The following BRIP1 variants were observed in gnomAD, a reference collection of about 807,000 sequenced individuals.
BRIP1 encodes Fanconi anemia group J protein.
A neutral mutation model predicts 119.7 loss-of-function variants in BRIP1; 88 were observed. The ratio of observed to expected loss-of-function variants is 0.74; its 90% confidence interval spans 0.62 to 0.88. BRIP1 has a LOEUF of 0.88. BRIP1 is among the 40% of genes least tolerant of loss of function. The pLI is 0.00. For missense variants in BRIP1, 1,259 were observed against 1,455.4 expected, an observed-to-expected ratio of 0.87 and a Z score of 2.20; for synonymous variants, 443 against 496.5, an observed-to-expected ratio of 0.89 and a Z score of 1.43.
chr17:61,765,105 T>C (rs1008884259), intron 14 of BRIP1, among the ~76,000 whole-genome samples: 1 of 151,718 alleles, frequency 6.6e-6, no homozygotes, highest in African/African-American at 2.4e-5. Flanking sequence ...GGCAACTTGA[T>C]ACTTGGACTT....
intron 3 of BRIP1, among the ~76,000 whole-genome samples, chr17:61,859,043 G>A (rs1398510224): frequency 7.2e-5 from 9 of 124,324 alleles, no homozygotes; most frequent in African/African-American, 2.8e-4. Flanking sequence ...CCCAGGTGAC[G>A]CCACTCAAAA....
In BRIP1 at chr17:61,745,848, TAAAAG is replaced by T. The variant is rs2077051705; in HGVS notation, c.2098-1262_2098-1258del. Among the ~76,000 whole-genome samples, 1 of 151,960 alleles carries T rather than the reference TAAAAG, an allele frequency of 6.6e-6. No homozygotes were observed. Among genetic ancestry groups the T allele is most frequent in the African/African-American group, 2.4e-5 (1 of 41,368 alleles). ...TATATTTATTTTTAAAATGTCAAAA[TAAAAG>T]AATCAAGTATTCTTTCCAAGAAGCT... On this transcript the variant is annotated intron_variant, in intron 14 of 19. Coordinates refer to ENST00000259008, the MANE Select transcript of BRIP1 (RefSeq NM_032043.3). The surrounding 1 kb of genome is among the most constrained non-coding windows in gnomAD (Gnocchi z 4.4).
chr17:61,761,854 A>G lies in BRIP1; in HGVS notation c.2097+14547T>C, dbSNP rs746218554. 6.6e-6 allele frequency among the ~76,000 whole-genome samples: 1 copy of G among 152,148 alleles called. No homozygotes were observed. Among genetic ancestry groups the G allele is most frequent in the Non-Finnish European group, 1.5e-5 (1 of 68,024 alleles). ...TTACCCAAAGTGACATATTGATTCA[A>G]TGTAATCTCTATCAAAATTCCAATG... On this transcript the variant is annotated intron_variant, in intron 14 of 19. Coordinates refer to ENST00000259008, the MANE Select transcript of BRIP1 (RefSeq NM_032043.3). The surrounding 1 kb of genome is among the most constrained non-coding windows in gnomAD (Gnocchi z 6.4).
At position 61,754,703 on chromosome 17, in the gene BRIP1, C is replaced by T. The variant is rs1016723335; in HGVS notation, c.2098-10112G>A. ...GCTATGAAGTCCAAGATAAAGGTGC[C>T]TGTTAACTTGATTTCTGGTTAGGGC... On this transcript the variant is annotated intron_variant, in intron 14 of 19. Transcript: ENST00000259008. This position sits in a 1 kb window ranked among gnomAD's most constrained non-coding sequence, Gnocchi z 4.1. 5.9e-5 allele frequency among the ~76,000 whole-genome samples: 9 copies of T among 152,148 alleles called. No homozygotes were observed. Among genetic ancestry groups the T allele is most frequent in the Non-Finnish European group, 1.0e-4 (7 of 68,030 alleles).
chr17:61,718,777 T>C (rs2061923594), intron 16 of BRIP1, among the ~76,000 whole-genome samples: 1 of 152,188 alleles, frequency 6.6e-6, no homozygotes, highest in African/African-American at 2.4e-5. Flanking sequence ...AGTTGTCCCT[T>C]GGTATCCATG....
intron 16 of BRIP1, among the ~76,000 whole-genome samples, chr17:61,732,816 C>A (rs578211392): frequency 3.9e-4 from 60 of 152,014 alleles, no homozygotes; most frequent in Non-Finnish European, 8.2e-4. Context: ...CTCAGACTCC[C>A]AAGTAGCTGG....
At chr17:61,811,857 C>T (rs1161888074) in intron 6 of BRIP1, among the ~76,000 whole-genome samples, 3 of 151,956 alleles carry the variant, frequency 2.0e-5, no homozygotes. Context: ...GAGGCTGAGG[C>T]AGGTGAATCA....
chr17:61,688,591 G>C (rs2061395686), intron 18 of BRIP1, among the ~76,000 whole-genome samples: 1 of 152,130 alleles, frequency 6.6e-6, no homozygotes, highest in South Asian at 2.1e-4. Flanking sequence ...TACCAGGGCT[G>C]ATGAGTGAAG....
rs185700311 is a variant in BRIP1 at position 61,720,952 on chromosome 17, T to C, written c.2380-4889A>G. Among the ~76,000 whole-genome samples the C allele has an allele frequency of 6.6e-6, 1 of 152,108 alleles. No homozygotes were observed. Among genetic ancestry groups the C allele is most frequent in the Admixed American group, 6.5e-5 (1 of 15,290 alleles). On this transcript the variant is annotated intron_variant, in intron 16 of 19. Coordinates refer to ENST00000259008, the MANE Select transcript of BRIP1 (RefSeq NM_032043.3). The surrounding 1 kb of genome is among the most constrained non-coding windows in gnomAD (Gnocchi z 4.3). ...TCCGCCTCCCAGGTTCAAGCAGTTC[T>C]CCTCTCAGCCTCCCAAGTAGCTGGG...
At chr17:61,696,234 G>A (rs1188933421) in intron 17 of BRIP1, among the ~76,000 whole-genome samples, 1 of 148,522 alleles carries the variant, frequency 6.7e-6, no homozygotes, top group Non-Finnish European at 1.5e-5. Context: ...AAGATCGTGT[G>A]GTTTTAGTCT....
chr17:61,839,673 C>T lies in BRIP1; in HGVS notation c.627+7428G>A, dbSNP rs146600597. The stretch of plus-strand genomic sequence containing the variant: ...ATTTAATTGAGAGATTTAACTTGTT[C>T]AAGAAGTTTTCAGACTTATGAGAAA... On this transcript the variant is annotated intron_variant, in intron 6 of 19. Transcript: ENST00000259008. Among the ~76,000 whole-genome samples, 1,168 of 152,142 alleles carry T rather than the reference C, an allele frequency of 7.7e-3. 10 individuals carry two copies. The highest frequency in any genetic ancestry group is 0.025 in the African/African-American group (1,058 of 41,512).
At position 61,724,321 on chromosome 17, in the gene BRIP1, A is replaced by C. The variant is rs1397320526; in HGVS notation, c.2380-8258T>G. On this transcript the variant is annotated intron_variant, in intron 16 of 19. Coordinates refer to ENST00000259008, the MANE Select transcript of BRIP1 (RefSeq NM_032043.3). The surrounding 1 kb of genome is among the most constrained non-coding windows in gnomAD (Gnocchi z 5.1). ...CTTGAGATTGAACAGAAAGTTTCTT[A>C]AGTTCTCCATGCCTTGGTTTTATTG... Among the ~76,000 whole-genome samples, 1 of 152,106 alleles carries C rather than the reference A, an allele frequency of 6.6e-6. No individual in the cohort carries two copies. The highest frequency in any genetic ancestry group is 2.4e-5 in the African/African-American group (1 of 41,434).
rs539155849 is a variant in BRIP1 at position 61,680,854 on chromosome 17, A to G, written c.*2442T>C. Reference sequence around the variant, plus strand: ...AAATAAATATCTAGCTTTCCAAGTTATTATGCACATATACCATCTGTGTCA... The same window carrying G: ...AAATAAATATCTAGCTTTCCAAGTTGTTATGCACATATACCATCTGTGTCA... On this transcript the variant is annotated 3_prime_UTR_variant, in exon 20 of 20. Transcript: ENST00000259008. Among the ~76,000 whole-genome samples, 32 of 152,296 alleles carry G rather than the reference A, an allele frequency of 2.1e-4. No homozygotes were observed. The highest frequency in any genetic ancestry group is 7.5e-4 in the African/African-American group (31 of 41,566).
In BRIP1 at chr17:61,825,311, G is replaced by T. The variant is rs1416520730; in HGVS notation, c.628-16554C>A. On this transcript the variant is annotated intron_variant, in intron 6 of 19. Transcript: ENST00000259008. The surrounding 1 kb of genome is among the most constrained non-coding windows in gnomAD (Gnocchi z 4.1). Reference sequence around the variant, plus strand: ...AAACGAAAAAAAAAAGAAAAGAAAAGAAAAGAAAAGGAAGCCCTCTCTCAC... The same window carrying T: ...AAACGAAAAAAAAAAGAAAAGAAAATAAAAGAAAAGGAAGCCCTCTCTCAC... 6.6e-6 allele frequency among the ~76,000 whole-genome samples: 1 copy of T among 150,762 alleles called. No homozygotes were observed. Among genetic ancestry groups the T allele is most frequent in the Non-Finnish European group, 1.5e-5 (1 of 67,596 alleles).
chr17:61,845,072 A>G lies in BRIP1; in HGVS notation c.627+2029T>C, dbSNP rs939403278. ...TAAACAAGTAATCAAGTAATTTCAG[A>G]TAATAGTAAGCCCATGAAGGAAAGG... On this transcript the variant is annotated intron_variant, in intron 6 of 19. Transcript: ENST00000259008. The surrounding 1 kb of genome is among the most constrained non-coding windows in gnomAD (Gnocchi z 4.2). Among the ~76,000 whole-genome samples, 9 of 152,376 alleles carry G rather than the reference A, an allele frequency of 5.9e-5. No homozygotes were observed. Among genetic ancestry groups the G allele is most frequent in the South Asian group, 2.1e-4 (1 of 4,828 alleles).
At chr17:61,772,208 T>TATATATATATATATATATAA (rs1555599843) in intron 14 of BRIP1, among the ~76,000 whole-genome samples, 1 of 86,300 alleles carries the variant, frequency 1.2e-5, no homozygotes, top group African/African-American at 4.4e-5. Flanking sequence ...TATATATATA[T>TATATATATATATATATATAA]AAAATGAAAT....
chr17:61,708,425 GTA>G lies in BRIP1; in HGVS notation c.2492+7524_2492+7525del, dbSNP rs1027589981. ...TTGGTTATCAGATAGAAAAAACATA[GTA>G]TACGTAGAGTTTGGTACTATCCATG... On this transcript the variant is annotated intron_variant, in intron 17 of 19. Transcript: ENST00000259008. The surrounding 1 kb of genome is among the most constrained non-coding windows in gnomAD (Gnocchi z 4.4). Among the ~76,000 whole-genome samples the G allele has an allele frequency of 1.2e-4, 18 of 152,124 alleles. No individual in the cohort carries two copies. Among genetic ancestry groups the G allele is most frequent in the Middle Eastern group, 3.2e-3 (1 of 316 alleles).
intron 10 of BRIP1, among the ~76,000 whole-genome samples, chr17:61,791,881 T>C (rs962731813): frequency 6.6e-6 from 1 of 152,186 alleles, no homozygotes; most frequent in Non-Finnish European, 1.5e-5. Flanking sequence ...ACAACATGGA[T>C]GAAACTGGAA....
At chr17:61,819,754 G>C (rs181393815) in intron 6 of BRIP1, among the ~76,000 whole-genome samples, 84 of 152,254 alleles carry the variant, frequency 5.5e-4, no homozygotes, top group African/African-American at 1.9e-3. Context: ...GGAGGGGAGA[G>C]AGTGGAGTTG....
Sources: allele counts gnomAD v4.1 joint callset (sites outside exome capture counted in the v4.1 genomes callset), GRCh38; gene constraint gnomAD v4.1.1; non-coding constraint Gnocchi (gnomAD v3.1); transcripts MANE v1.5; gene names NCBI Gene and HGNC (gene_info 2026-07-23, HGNC 2026-07-21).